C1orf87: variants seen among roughly 807,000 people sequenced by gnomAD.
The protein encoded by C1orf87 is uncharacterized protein C1orf87.
Under a neutral mutation model 60.5 loss-of-function variants are expected in C1orf87, and 58 were observed. The observed-to-expected ratio is 0.96, with a 90% CI of 0.78 to 1.19. C1orf87 has a LOEUF of 1.19. C1orf87 is among the 50% of genes most tolerant of loss of function. The pLI, the probability that C1orf87 is intolerant of heterozygous loss-of-function variation, is 0.00. For synonymous variants in C1orf87, 236 were observed against 227.4 expected, an observed-to-expected ratio of 1.04 and a Z score of -0.34; for missense variants, 673 against 638.6, an observed-to-expected ratio of 1.05 and a Z score of -0.58.
At chr1:60,073,082 G>C (rs927798506) in intron 1 of C1orf87, among the ~76,000 whole-genome samples, 1 of 152,194 alleles carries the variant, frequency 6.6e-6, no homozygotes, top group Non-Finnish European at 1.5e-5. Context: ...ATTCAGTTCT[G>C]ATGTTTAGTT....
chr1:60,041,274 T>C, intron 3 of C1orf87, 143 bp from the exon 4 acceptor site: 1 of 681,036 alleles, frequency 1.5e-6, no homozygotes, highest in Non-Finnish European at 2.3e-6. Flanking sequence ...CCATGTATCA[T>C]TGAGTCATTG....
intron 9 of C1orf87, among the ~76,000 whole-genome samples, chr1:60,003,825 C>T (rs1350595402): frequency 6.6e-6 from 1 of 151,968 alleles, no homozygotes. Flanking sequence ...TGCCATTTTT[C>T]CAAATTCTTT....
At chr1:60,054,802 A>AT (rs1645441135) in intron 3 of C1orf87, among the ~76,000 whole-genome samples, 1 of 152,092 alleles carries the variant, frequency 6.6e-6, no homozygotes, top group Non-Finnish European at 1.5e-5. Context: ...TTTTTTTGTA[A>AT]TTAGACATGG....
chr1:60,047,418 A>G (rs527390485), intron 3 of C1orf87, among the ~76,000 whole-genome samples: 8 of 152,306 alleles, frequency 5.3e-5, no homozygotes, highest in African/African-American at 1.7e-4. Flanking sequence ...TCTTTAAGTT[A>G]GATCCTGAGT....
chr1:60,024,929 G>T (rs1645188657), intron 8 of C1orf87, among the ~76,000 whole-genome samples: 2 of 152,128 alleles, frequency 1.3e-5, no homozygotes, highest in Admixed American at 6.6e-5. Flanking sequence ...AAGACCCTTT[G>T]GTCGCAATAA....
At chr1:60,025,329 A>T in intron 8 of C1orf87, 72 bp downstream of exon 8, 2 of 1,228,548 alleles carry the variant, frequency 1.6e-6, no homozygotes, top group Non-Finnish European at 2.4e-6. Context: ...ATTTGAAGTT[A>T]AAGCTTCACC....
intron 9 of C1orf87, among the ~76,000 whole-genome samples, chr1:60,010,057 C>A (rs945239559): frequency 6.6e-6 from 1 of 150,936 alleles, no homozygotes; most frequent in Non-Finnish European, 1.5e-5. Flanking sequence ...AAATACCTAG[C>A]TATGAGCTTC....
intron 9 of C1orf87, among the ~76,000 whole-genome samples, chr1:60,006,879 C>T (rs6678447): frequency 0.021 from 3,216 of 151,488 alleles, 92 homozygotes; most frequent in African/African-American, 0.073. Flanking sequence ...GTTACATGTA[C>T]GTTAGATGTT....
intron 3 of C1orf87, among the ~76,000 whole-genome samples, chr1:60,043,549 A>AT (rs1645342442): frequency 6.6e-6 from 1 of 150,900 alleles, no homozygotes; most frequent in Non-Finnish European, 1.5e-5. Context: ...GCCCAGCTAA[A>AT]TTTTTTTTTG....
chr1:60,011,184 C>T (rs530553001), intron 8 of C1orf87, among the ~76,000 whole-genome samples: 14 of 152,138 alleles, frequency 9.2e-5, no homozygotes, highest in Admixed American at 4.6e-4. Context: ...AAGAGACAAC[C>T]AGGTAATCAT....
intron 8 of C1orf87, among the ~76,000 whole-genome samples, chr1:60,024,752 T>C (rs1316769764): frequency 6.6e-6 from 1 of 152,172 alleles, no homozygotes; most frequent in African/African-American, 2.4e-5. Flanking sequence ...ATTTTTCTTC[T>C]CCCAGGAGTC....
intron 3 of C1orf87, 68 bp from the exon 4 acceptor site, chr1:60,041,199 A>G: frequency 7.4e-7 from 1 of 1,358,440 alleles, no homozygotes; most frequent in South Asian, 1.8e-5. Flanking sequence ...AGAGGAAAGA[A>G]TGGAGAAAAT....
At chr1:60,005,924 T>C (rs1328902580) in intron 9 of C1orf87, among the ~76,000 whole-genome samples, 2 of 151,908 alleles carry the variant, frequency 1.3e-5, no homozygotes, top group Non-Finnish European at 2.9e-5. Flanking sequence ...ATGGTTTGGT[T>C]GGACTGACTC....
In C1orf87 at chr1:59,995,242, T is replaced by A. The variant is rs552261490; in HGVS notation, c.1480+2367A>T. ...TTGTTTCTTTAGCAATGTCATTTTT[T>A]TAAAAAATGTTTTGTTATTGCTTGT... On this transcript the variant is annotated intron_variant, in intron 11 of 11. Transcript: ENST00000371201. Among the ~76,000 whole-genome samples the A allele has an allele frequency of 8.5e-5, 13 of 152,276 alleles. No homozygotes were observed. In the South Asian group the frequency reaches 1.9e-3, roughly 22 times the overall value.
chr1:60,039,285 C>G (rs1228419556), intron 5 of C1orf87, among the ~76,000 whole-genome samples: 1 of 152,144 alleles, frequency 6.6e-6, no homozygotes, highest in African/African-American at 2.4e-5. Context: ...TTATTTCTTC[C>G]TATTTCAGGG....
chr1:60,056,178 A>C (rs559629083), intron 2 of C1orf87, among the ~76,000 whole-genome samples: 347 of 152,268 alleles, frequency 2.3e-3, no homozygotes, highest in African/African-American at 7.6e-3. Context: ...CAGGAGGTGG[A>C]GGTTGCAGTG....
chr1:60,066,998 G>T (rs1213583021), intron 2 of C1orf87, among the ~76,000 whole-genome samples: 1 of 152,110 alleles, frequency 6.6e-6, no homozygotes, highest in Non-Finnish European at 1.5e-5. Context: ...TCCCTGCAAA[G>T]GACATGAACT....
At chr1:60,044,871 C>T (rs1421155694) in intron 3 of C1orf87, among the ~76,000 whole-genome samples, 1 of 152,122 alleles carries the variant, frequency 6.6e-6, no homozygotes, top group Non-Finnish European at 1.5e-5. Context: ...ACACCATAGC[C>T]TGAAGTGACT....
chr1:59,996,323 T>G (rs536369635), intron 11 of C1orf87, among the ~76,000 whole-genome samples: 3 of 152,186 alleles, frequency 2.0e-5, no homozygotes, highest in Non-Finnish European at 4.4e-5. Context: ...CTCCCTCTTT[T>G]CCCAGCACTC....
Sources: allele counts gnomAD v4.1 joint callset (sites outside exome capture counted in the v4.1 genomes callset), GRCh38; gene constraint gnomAD v4.1.1; transcripts MANE v1.5; gene names NCBI Gene and HGNC (gene_info 2026-07-23, HGNC 2026-07-21).